Variants in CBLB observed in about 807,000 individuals in gnomAD.
CBLB encodes the protein Cbl proto-oncogene B, also known as E3 ubiquitin-protein ligase CBL-B.
In CBLB, 31 loss-of-function variants were observed where a neutral mutation model predicts 104.9. That is an observed-to-expected ratio of 0.30 (90% CI 0.22 to 0.40). CBLB has a LOEUF of 0.40. CBLB is among the 10% of genes least tolerant of loss of function. The probability of loss-of-function intolerance (pLI) is 1.00; values close to 1 mark genes in which losing one functional copy is unlikely to be tolerated. For synonymous variants in CBLB, 440 were observed against 422.6 expected, an observed-to-expected ratio of 1.04 and a Z score of -0.51; for missense variants, 1,062 against 1,214.6, an observed-to-expected ratio of 0.87 and a Z score of 1.87.
intron 3 of CBLB, among the ~76,000 whole-genome samples, chr3:105,796,555 C>G (rs1311777418): frequency 6.6e-6 from 1 of 152,032 alleles, no homozygotes. Context: ...AAGAAGATGC[C>G]AAAAGCAATT....
intron 3 of CBLB, among the ~76,000 whole-genome samples, chr3:105,778,110 A>G (rs1001662340): frequency 6.6e-6 from 1 of 151,770 alleles, no homozygotes; most frequent in Non-Finnish European, 1.5e-5. Context: ...TGAGAGAGAG[A>G]GAGAGTGTGT....
Position 105,734,155 on chromosome 3 carries a change from G to A in CBLB, c.1072-15C>T. 1 of 1,612,870 alleles carries A rather than the reference G, an allele frequency of 6.2e-7. No homozygotes were observed. The highest frequency in any genetic ancestry group is 2.2e-5 in the East Asian group (1 of 44,830). On this transcript the variant is annotated splice_polypyrimidine_tract_variant and intron_variant, in intron 8 of 18. Transcript: ENST00000394030. ...TCATATTGTTCCTGGAATTTGGGGA[G>A]GAGGGAGAAAGTAATGTTAATGTAT...
At chr3:105,811,843 G>T (rs1346741013) in intron 3 of CBLB, among the ~76,000 whole-genome samples, 1 of 152,014 alleles carries the variant, frequency 6.6e-6, no homozygotes, top group Non-Finnish European at 1.5e-5. Flanking sequence ...CCAAGTAGCT[G>T]GGATTACAGG....
At chr3:105,701,672 A>C (rs1295641049) in intron 12 of CBLB, among the ~76,000 whole-genome samples, 2 of 151,956 alleles carry the variant, frequency 1.3e-5, no homozygotes, top group Non-Finnish European at 2.9e-5. Context: ...CTGAGGCAGG[A>C]GAATCGCTTG....
intron 3 of CBLB, among the ~76,000 whole-genome samples, chr3:105,832,516 C>A (rs2087725431): frequency 6.6e-6 from 1 of 152,156 alleles, no homozygotes; most frequent in South Asian, 2.1e-4. Flanking sequence ...TTTAAAATGT[C>A]ACATGAAAAT....
Position 105,658,808 on chromosome 3 carries a change from C to G in CBLB, c.*162G>C. 1.4e-6 allele frequency: 1 copy of G among 715,418 alleles called. No homozygotes were observed. Among genetic ancestry groups the G allele is most frequent in the South Asian group, 1.8e-5 (1 of 54,390 alleles). The allele number at this position is 715,418 out of a possible 1,614,324, so 44.3% of individuals were successfully genotyped here. ...AAGCCACAGCTGTCGACATCCTGAG[C>G]AAGCATCGGTCTCCTTTGAGAAGCT... On this transcript the variant is annotated 3_prime_UTR_variant, in exon 19 of 19. Transcript: ENST00000394030.
intron 18 of CBLB, among the ~76,000 whole-genome samples, chr3:105,662,560 G>A (rs1434656789): frequency 6.6e-6 from 1 of 152,136 alleles, no homozygotes; most frequent in Admixed American, 6.5e-5. Flanking sequence ...AATATAAATA[G>A]TACATCTTCT....
intron 3 of CBLB, among the ~76,000 whole-genome samples, chr3:105,811,091 A>G (rs1404599280): frequency 6.6e-6 from 1 of 152,172 alleles, no homozygotes; most frequent in African/African-American, 2.4e-5. Flanking sequence ...CAAGTGATTA[A>G]AGAGTATTTT....
chr3:105,739,181 A>G (rs1207354252), intron 7 of CBLB, among the ~76,000 whole-genome samples: 1 of 152,210 alleles, frequency 6.6e-6, no homozygotes, highest in Non-Finnish European at 1.5e-5. Flanking sequence ...AAATGCTGGG[A>G]TTACAGGCGT....
At chr3:105,828,486 C>A (rs1000018822) in intron 3 of CBLB, among the ~76,000 whole-genome samples, 1 of 152,036 alleles carries the variant, frequency 6.6e-6, no homozygotes, top group African/African-American at 2.4e-5. Flanking sequence ...TAATTTTTGT[C>A]TTTTCTTAAA....
chr3:105,658,258 G>C lies in CBLB; in HGVS notation c.*712C>G. 4.6e-6 allele frequency: 1 copy of C among 218,954 alleles called. No homozygotes were observed. The highest frequency in any genetic ancestry group is 1.5e-3 in the Middle Eastern group (1 of 682). 13.6% of individuals were successfully genotyped at this position (218,954 alleles called of 1,614,324 possible). On this transcript the variant is annotated 3_prime_UTR_variant, in exon 19 of 19. Transcript: ENST00000394030. ...TACAAAACTTAAACAAAAAAGGGAA[G>C]CTCCTCTATGTTATGTGAAAACCCC...
At chr3:105,702,501 T>TAAAAAAAAAAAAAAAAAAAAA (rs1553727160) in intron 11 of CBLB, 42 bp from the exon 12 acceptor site, 2 of 903,590 alleles carry the variant, frequency 2.2e-6, no homozygotes, top group Admixed American at 3.9e-5. Context: ...AAAAAAAAAC[T>TAAAAAAAAAAAAAAAAAAAAA]AAAGGTTGTA....
chr3:105,842,428 CA>C (rs1379102435), intron 3 of CBLB, among the ~76,000 whole-genome samples: 4 of 152,138 alleles, frequency 2.6e-5, no homozygotes, highest in African/African-American at 9.7e-5. Flanking sequence ...GTTTATCTCT[CA>C]AAAAGAGATA....
intron 17 of CBLB, among the ~76,000 whole-genome samples, chr3:105,676,080 G>GA (rs1414555116): frequency 6.6e-6 from 1 of 151,140 alleles, no homozygotes; most frequent in East Asian, 1.9e-4. Flanking sequence ...AAAGTCAAGA[G>GA]AGAGTCAACA....
At chr3:105,788,520 C>A (rs1219190579) in intron 3 of CBLB, among the ~76,000 whole-genome samples, 1 of 152,170 alleles carries the variant, frequency 6.6e-6, no homozygotes, top group Non-Finnish European at 1.5e-5. Context: ...CAAAGCTGTA[C>A]TGGGCCAGGT....
rs2152825889 is a variant in CBLB, at chr3:105,720,061, C to A, written c.1393G>T (p.Ala465Ser). 6.2e-7 allele frequency: 1 copy of A among 1,613,704 alleles called. No homozygotes were observed. Among genetic ancestry groups the A allele is most frequent in the South Asian group, 1.1e-5 (1 of 91,056 alleles). Residue 465 changes from alanine to serine, a missense_variant, in exon 10 of 19, where the codon GCA becomes TCA. Around this residue, in one of 2 missense-constraint regions of CBLB, gnomAD observed 457 missense variants for 632.0 expected, o/e 0.72. Transcript: ENST00000394030. ...TCTAGTTTTACCTTTCGGACGTTTG[C>A]CAACCGATTCATCATCAAGGACTCC... is the stretch of plus-strand genomic sequence containing the variant. The part of the protein sequence containing the change: ...REESLMMNRL[A>S]NVRKCTDRQN...
At chr3:105,855,370 G>A (rs1335026930) in intron 2 of CBLB, among the ~76,000 whole-genome samples, 2 of 152,122 alleles carry the variant, frequency 1.3e-5, no homozygotes, top group African/African-American at 4.8e-5. Context: ...TAATAATACT[G>A]TATTCTGAAA....
chr3:105,724,625 A>T (rs1270914017), intron 9 of CBLB, among the ~76,000 whole-genome samples: 1 of 152,172 alleles, frequency 6.6e-6, no homozygotes, highest in African/African-American at 2.4e-5. Flanking sequence ...AACTAAGGAA[A>T]CATATCTTAA....
chr3:105,827,953 G>T (rs929269103), intron 3 of CBLB, among the ~76,000 whole-genome samples: 1 of 152,172 alleles, frequency 6.6e-6, no homozygotes, highest in Non-Finnish European at 1.5e-5. Context: ...GCATGGTAAT[G>T]TATTTTATAC....
Sources: allele counts gnomAD v4.1 joint callset (sites outside exome capture counted in the v4.1 genomes callset), GRCh38; gene constraint gnomAD v4.1.1; regional missense constraint gnomAD v4.1.1; transcripts MANE v1.5; gene names NCBI Gene and HGNC (gene_info 2026-07-23, HGNC 2026-07-21).